Variants in SLC39A8 observed in about 807,000 individuals in gnomAD.
The protein encoded by SLC39A8 is solute carrier family 39 member 8, also known as metal cation symporter ZIP8.
SLC39A8 carries 15 observed loss-of-function variants against 40.4 expected under a neutral mutation model. The ratio of observed to expected loss-of-function variants is 0.37; its 90% CI spans 0.25 to 0.57. SLC39A8 has a LOEUF of 0.57. Ranked by LOEUF, SLC39A8 falls within the 20% of genes least tolerant of loss-of-function variation. The probability of loss-of-function intolerance (pLI) is 0.75; values close to 1 mark genes in which losing one functional copy is unlikely to be tolerated. For synonymous variants in SLC39A8, 223 were observed against 221.6 expected, an observed-to-expected ratio of 1.01 and a Z score of -0.06; for missense variants, 472 against 558.8, an observed-to-expected ratio of 0.84 and a Z score of 1.57.
At chr4:102,277,354 CAGAA>C (rs1578567319) in intron 6 of SLC39A8, among the ~76,000 whole-genome samples, 1 of 152,124 alleles carries the variant, frequency 6.6e-6, no homozygotes, top group Admixed American at 6.5e-5. Context: ...AACAGACAAA[CAGAA>C]AGCCAAATCA....
At chr4:102,331,544 T>C (rs1005722502) in intron 2 of SLC39A8, among the ~76,000 whole-genome samples, 10 of 152,230 alleles carry the variant, frequency 6.6e-5, no homozygotes, top group Non-Finnish European at 1.3e-4. Flanking sequence ...AAACATTCCA[T>C]GTTCATGGAT....
intron 6 of SLC39A8, among the ~76,000 whole-genome samples, chr4:102,280,025 C>T (rs1732801657): frequency 6.6e-6 from 1 of 152,196 alleles, no homozygotes; most frequent in Admixed American, 6.5e-5. Flanking sequence ...AGGTTCCAGA[C>T]AGTGAGCTCT....
intron 2 of SLC39A8, among the ~76,000 whole-genome samples, chr4:102,338,075 G>A (rs1486799320): frequency 6.6e-6 from 1 of 151,952 alleles, no homozygotes; most frequent in East Asian, 1.9e-4. Flanking sequence ...ATGTTTTCTA[G>A]TATCCATGTG....
intron 2 of SLC39A8, among the ~76,000 whole-genome samples, chr4:102,341,491 G>C (rs1735938830): frequency 6.6e-6 from 1 of 152,120 alleles, no homozygotes; most frequent in Non-Finnish European, 1.5e-5. Context: ...AGATATTTGG[G>C]GCTTCCCTGT....
At chr4:102,287,930 A>G (rs1733253618) in intron 6 of SLC39A8, among the ~76,000 whole-genome samples, 1 of 152,136 alleles carries the variant, frequency 6.6e-6, no homozygotes, top group Admixed American at 6.6e-5. Flanking sequence ...TATGAATAAT[A>G]TTTACAAAGT....
At chr4:102,259,366 T>C, downstream of SLC39A8, 1 of 880,708 alleles carries the variant, frequency 1.1e-6, no homozygotes, top group Admixed American at 2.2e-5. Context: ...GGGAATAACA[T>C]GCACAGTCAC....
At chr4:102,259,390 A>T, downstream of SLC39A8, 1 of 1,129,506 alleles carries the variant, frequency 8.9e-7, no homozygotes, top group Non-Finnish European at 1.3e-6. Flanking sequence ...AGAAGGAATT[A>T]AGCCATTGTA....
chr4:102,306,550 G>C (rs1734180072), intron 4 of SLC39A8, among the ~76,000 whole-genome samples: 1 of 151,770 alleles, frequency 6.6e-6, no homozygotes, highest in South Asian at 2.1e-4. Flanking sequence ...GGAAGCTTTA[G>C]TTATAATTTT....
intron 2 of SLC39A8, among the ~76,000 whole-genome samples, chr4:102,327,102 A>G (rs896569737): frequency 6.6e-6 from 1 of 152,136 alleles, no homozygotes; most frequent in African/African-American, 2.4e-5. Context: ...AATGACAAAA[A>G]TAATTAAAAA....
At chr4:102,330,582 T>A (rs1735406590) in intron 2 of SLC39A8, among the ~76,000 whole-genome samples, 1 of 152,022 alleles carries the variant, frequency 6.6e-6, no homozygotes, top group Non-Finnish European at 1.5e-5. Flanking sequence ...CAGCTCTGTA[T>A]CGGTATTCAC....
intron 4 of SLC39A8, among the ~76,000 whole-genome samples, chr4:102,306,421 C>G (rs1015239214): frequency 1.3e-5 from 2 of 151,642 alleles, no homozygotes; most frequent in African/African-American, 4.8e-5. Flanking sequence ...TATTTTTTAT[C>G]TCTACAATTG....
exon 12 of SLC39A8, chr4:102,251,551 G>A (rs1731592128): frequency 6.6e-6 from 1 of 152,154 alleles, no homozygotes; most frequent in Non-Finnish European, 1.5e-5. Context: ...TGTAAGACAG[G>A]TTAACGGGAG....
At chr4:102,274,050 G>A (rs1732496795) in intron 6 of SLC39A8, among the ~76,000 whole-genome samples, 1 of 152,158 alleles carries the variant, frequency 6.6e-6, no homozygotes. Flanking sequence ...CTCCTCCAAA[G>A]GATCACAACT....
intron 5 of SLC39A8, 34 bp from the exon 6 acceptor site, chr4:102,304,515 A>G (rs1236998637): frequency 6.4e-7 from 1 of 1,556,142 alleles, no homozygotes; most frequent in African/African-American, 1.4e-5. Flanking sequence ...AGATTATAAG[A>G]AGAAAAAAGA....
chr4:102,257,951 A>G (rs1731745607), downstream of SLC39A8, among the ~76,000 whole-genome samples: 1 of 152,178 alleles, frequency 6.6e-6, no homozygotes, highest in Non-Finnish European at 1.5e-5. Context: ...AGCTGCTGCA[A>G]GAGGTCAGCA....
chr4:102,307,391 C>G, intron 4 of SLC39A8, 45 bp downstream of exon 4: 1 of 1,597,464 alleles, frequency 6.3e-7, no homozygotes, highest in Non-Finnish European at 8.5e-7. Flanking sequence ...CTAAAACGTT[C>G]AAAAGAAACA....
At chr4:102,258,594 C>T (rs556631376), downstream of SLC39A8, among the ~76,000 whole-genome samples, 1 of 152,258 alleles carries the variant, frequency 6.6e-6, no homozygotes, top group South Asian at 2.1e-4. Context: ...TTTCCTTACT[C>T]CCCACTGTTC....
chr4:102,308,376 G>A (rs1246070577), intron 3 of SLC39A8, among the ~76,000 whole-genome samples: 8 of 152,030 alleles, frequency 5.3e-5, no homozygotes, highest in Non-Finnish European at 8.8e-5. Context: ...GAGACCCAGG[G>A]CCTGGCACCC....
intron 6 of SLC39A8, among the ~76,000 whole-genome samples, chr4:102,292,384 G>A (rs1233249814): frequency 6.6e-6 from 1 of 152,018 alleles, no homozygotes; most frequent in Admixed American, 6.6e-5. Context: ...TATAGCCTTT[G>A]CTCAAACTTG....
Sources: allele counts gnomAD v4.1 joint callset (sites outside exome capture counted in the v4.1 genomes callset), GRCh38; gene constraint gnomAD v4.1.1; transcripts MANE v1.5; gene names NCBI Gene and HGNC (gene_info 2026-07-23, HGNC 2026-07-21).